Variants in PIP5K1A observed in about 807,000 individuals in gnomAD.
The protein encoded by PIP5K1A is phosphatidylinositol 4-phosphate 5-kinase type-1 alpha.
PIP5K1A carries 46 observed loss-of-function variants against 72.9 expected under a neutral mutation model. The observed-to-expected ratio is 0.63, with a 90% CI of 0.50 to 0.81. PIP5K1A has a LOEUF of 0.81. Among genes scored for constraint, PIP5K1A ranks in the 30% least tolerant of loss-of-function variants. The probability of loss-of-function intolerance (pLI) is 0.00; values close to 1 mark genes in which losing one functional copy is unlikely to be tolerated. For synonymous variants in PIP5K1A, 228 were observed against 255.1 expected (o/e 0.89, Z 1.01); for missense variants, 458 against 706.1 (o/e 0.65, Z 3.98).
chr1:151,235,405 T>C (rs587739683), intron 8 of PIP5K1A, among the ~76,000 whole-genome samples: 22 of 152,348 alleles, frequency 1.4e-4, no homozygotes, highest in Non-Finnish European at 1.5e-4. Flanking sequence ...TTGACCTCTG[T>C]ACTCTTCTGT....
intron 1 of PIP5K1A, among the ~76,000 whole-genome samples, chr1:151,216,495 T>C (rs1687639299): frequency 6.6e-6 from 1 of 152,164 alleles, no homozygotes. Flanking sequence ...TACCCTAACA[T>C]AGAAGTATCT....
intron 1 of PIP5K1A, among the ~76,000 whole-genome samples, chr1:151,200,571 G>A (rs769284060): frequency 4.6e-5 from 7 of 151,990 alleles, no homozygotes; most frequent in Non-Finnish European, 1.0e-4. Flanking sequence ...CTGGTGTTGC[G>A]TTTTTGCTGT....
chr1:151,242,101 GCT>G lies in PIP5K1A; in HGVS notation c.1364-15_1364-14del, dbSNP rs1404044052. ...AGTTGCTAAGGTAGTTGCTAAGTAGGCTCTCTCTTTCCCTTTTGAAGTGAAGC... is the reference window on the plus strand; with the variant it reads ...AGTTGCTAAGGTAGTTGCTAAGTAGGCTCTCTTTCCCTTTTGAAGTGAAGC... On this transcript the variant is annotated intron_variant, in intron 12 of 15. Transcript: ENST00000368888. 6.2e-7 allele frequency: 1 copy of G among 1,613,190 alleles called. No individual in the cohort carries two copies. The highest frequency in any genetic ancestry group is 1.7e-5 in the Admixed American group (1 of 59,942).
intron 15 of PIP5K1A, among the ~76,000 whole-genome samples, chr1:151,247,360 G>A (rs1438829984): frequency 1.3e-5 from 2 of 151,738 alleles, no homozygotes; most frequent in Admixed American, 6.6e-5. Context: ...AACTCCTGAC[G>A]TCGTGATCTG....
chr1:151,220,028 CAG>C (rs1200525200), intron 1 of PIP5K1A, among the ~76,000 whole-genome samples: 1 of 151,788 alleles, frequency 6.6e-6, no homozygotes, highest in African/African-American at 2.4e-5. Context: ...ATTTTTGAGA[CAG>C]AGTGTTGCTC....
At chr1:151,201,056 G>C (rs1045519248) in intron 1 of PIP5K1A, among the ~76,000 whole-genome samples, 1 of 152,070 alleles carries the variant, frequency 6.6e-6, no homozygotes, top group Non-Finnish European at 1.5e-5. Flanking sequence ...GGATGGTCTC[G>C]ATCTCCTGAC....
intron 1 of PIP5K1A, 194 bp downstream of exon 1, chr1:151,199,275 G>C: frequency 8.5e-7 from 1 of 1,171,740 alleles, no homozygotes; most frequent in Non-Finnish European, 1.2e-6. Context: ...AGAAGTTGTC[G>C]AAAACTTTGG....
At chr1:151,211,239 C>G (rs1266450306) in intron 1 of PIP5K1A, among the ~76,000 whole-genome samples, 1 of 152,228 alleles carries the variant, frequency 6.6e-6, no homozygotes, top group Non-Finnish European at 1.5e-5. Flanking sequence ...GTAGTCCCAG[C>G]ACTTTGGGGG....
At chr1:151,238,846 C>T (rs1288597550) in intron 10 of PIP5K1A, among the ~76,000 whole-genome samples, 1 of 152,164 alleles carries the variant, frequency 6.6e-6, no homozygotes, top group Non-Finnish European at 1.5e-5. Context: ...GTTCCTTCAG[C>T]TCTCCTTTTA....
chr1:151,214,220 A>G (rs1296552806), intron 1 of PIP5K1A, among the ~76,000 whole-genome samples: 1 of 152,158 alleles, frequency 6.6e-6, no homozygotes, highest in East Asian at 1.9e-4. Context: ...TTATAGTTAT[A>G]TATACACTGC....
chr1:151,224,415 G>A lies in PIP5K1A; in HGVS notation c.156+9G>A, dbSNP rs771658799. 1 of 1,558,832 alleles carries A rather than the reference G, an allele frequency of 6.4e-7. No individual in the cohort carries two copies. ...ATTCTTACATCTCATTGGTAGGCTAGAAATTATGCAACTCATCTTTTATTG... is the reference window on the plus strand; with the variant it reads ...ATTCTTACATCTCATTGGTAGGCTAAAAATTATGCAACTCATCTTTTATTG... On this transcript the variant is annotated intron_variant, in intron 3 of 15. Coordinates refer to ENST00000368888, the MANE Select transcript of PIP5K1A (RefSeq NM_001135638.2).
upstream of PIP5K1A, among the ~76,000 whole-genome samples, chr1:151,196,393 C>G (rs75933044): frequency 0.065 from 9,826 of 152,042 alleles, 418 homozygotes; most frequent in Non-Finnish European, 0.1. Flanking sequence ...TAAAATACTT[C>G]AACACAACAA....
intron 5 of PIP5K1A, 78 bp downstream of exon 5, chr1:151,231,879 A>G: frequency 7.4e-7 from 1 of 1,352,358 alleles, no homozygotes; most frequent in South Asian, 1.2e-5. Context: ...TTAGGGGTTC[A>G]GGTCGGACAA....
chr1:151,237,728 T>C (rs1247455003), intron 9 of PIP5K1A, among the ~76,000 whole-genome samples: 1 of 152,198 alleles, frequency 6.6e-6, no homozygotes, highest in Non-Finnish European at 1.5e-5. Context: ...CTAGTAAGTG[T>C]AATTACTGAA....
upstream of PIP5K1A, among the ~76,000 whole-genome samples, chr1:151,196,043 G>A (rs941415859): frequency 6.6e-6 from 1 of 151,130 alleles, no homozygotes; most frequent in Non-Finnish European, 1.5e-5. Context: ...TACTACAGGC[G>A]CCGGCCAACT....
chr1:151,196,449 G>T (rs1024626344), upstream of PIP5K1A, among the ~76,000 whole-genome samples: 5 of 151,874 alleles, frequency 3.3e-5, no homozygotes, highest in Admixed American at 6.6e-5. Flanking sequence ...TCTACTTTCG[G>T]TGCCCAAAGG....
intron 1 of PIP5K1A, among the ~76,000 whole-genome samples, chr1:151,210,584 A>G (rs1036199980): frequency 2.0e-5 from 3 of 151,910 alleles, no homozygotes; most frequent in African/African-American, 7.3e-5. Flanking sequence ...GGAACTATTG[A>G]CATACATATA....
At chr1:151,221,490 T>C (rs1263724588) in intron 1 of PIP5K1A, among the ~76,000 whole-genome samples, 1 of 152,170 alleles carries the variant, frequency 6.6e-6, no homozygotes, top group African/African-American at 2.4e-5. Context: ...CTTCCAAGTG[T>C]AGACTGATGA....
intron 1 of PIP5K1A, among the ~76,000 whole-genome samples, chr1:151,220,038 C>T (rs1688199092): frequency 6.6e-6 from 1 of 151,888 alleles, no homozygotes; most frequent in East Asian, 1.9e-4. Flanking sequence ...CAGAGTGTTG[C>T]TCTGTTGCCC....
Sources: allele counts gnomAD v4.1 joint callset (sites outside exome capture counted in the v4.1 genomes callset), GRCh38; gene constraint gnomAD v4.1.1; transcripts MANE v1.5; gene names NCBI Gene and HGNC (gene_info 2026-07-23, HGNC 2026-07-21).